BMP6: variants seen among roughly 807,000 people sequenced by gnomAD.
The protein encoded by BMP6 is bone morphogenetic protein 6, also known as VG-1-R.
Under a neutral mutation model 54.1 loss-of-function variants are expected in BMP6, and 17 were observed. The ratio of observed to expected loss-of-function variants is 0.31; its 90% confidence interval spans 0.22 to 0.47. BMP6 has a LOEUF of 0.47. BMP6 is among the 20% of genes least tolerant of loss of function. The probability of loss-of-function intolerance (pLI) is 1.00; values close to 1 mark genes in which losing one functional copy is unlikely to be tolerated. For synonymous variants in BMP6, 328 were observed against 291.2 expected, an observed-to-expected ratio of 1.13 and a Z score of -1.28; for missense variants, 720 against 690.4, an observed-to-expected ratio of 1.04 and a Z score of -0.48.
At chr6:7,801,760 G>A (rs1299295327) in intron 1 of BMP6, among the ~76,000 whole-genome samples, 2 of 152,210 alleles carry the variant, frequency 1.3e-5, no homozygotes, top group African/African-American at 2.4e-5. Flanking sequence ...CTCTTTGCAA[G>A]GTTTATGGAG....
intron 2 of BMP6, among the ~76,000 whole-genome samples, chr6:7,847,391 C>A (rs145546162): frequency 1.3e-5 from 2 of 152,228 alleles, no homozygotes; most frequent in African/African-American, 4.8e-5. Context: ...GGCCTCCTGC[C>A]GCCTCCTAGC....
At position 7,817,661 on chromosome 6, in the gene BMP6, C is replaced by T. The variant is rs373377986; in HGVS notation, c.665-27479C>T. Among the ~76,000 whole-genome samples the T allele has an allele frequency of 2.6e-5, 4 of 151,676 alleles. No individual in the cohort carries two copies. In the East Asian group the frequency reaches 5.8e-4, roughly 22 times the overall value. On this transcript the variant is annotated intron_variant, in intron 1 of 6. Coordinates refer to ENST00000283147, the MANE Select transcript of BMP6 (RefSeq NM_001718.6). ...ATGGGTGCAGCACACCAACATGGCACATGTATACATATGTAACAAACCTGC... is the reference window on the plus strand; with the variant it reads ...ATGGGTGCAGCACACCAACATGGCATATGTATACATATGTAACAAACCTGC...
chr6:7,727,499 C>G lies in BMP6; in HGVS notation c.544C>G (p.Leu182Val). Residue 182 changes from leucine (L) to valine (V), a missense_variant, in exon 1 of 7, where the codon CTC becomes GTC. This residue lies in a region of BMP6 where 650 missense variants were observed against 556.3 expected (regional missense o/e 1.17). Transcript: ENST00000283147. Reference protein sequence around the residue: ...RQPPPGAAHPLNRKSLLAPGS... With the variant: ...RQPPPGAAHPVNRKSLLAPGS... ...GCCGCCCCCGGGCGCCGCGCACCCG[C>G]TCAACCGCAAGAGCCTTCTGGCCCC... 1 of 1,596,258 alleles carries G rather than the reference C, an allele frequency of 6.3e-7. No homozygotes were observed. The highest frequency in any genetic ancestry group is 8.5e-7 in the Non-Finnish European group (1 of 1,177,048).
intron 2 of BMP6, among the ~76,000 whole-genome samples, chr6:7,858,275 G>A (rs1166259971): frequency 6.6e-6 from 1 of 152,000 alleles, no homozygotes; most frequent in African/African-American, 2.4e-5. Flanking sequence ...TGTAGAGGTA[G>A]GGTTTCGCCA....
intron 1 of BMP6, among the ~76,000 whole-genome samples, chr6:7,735,571 A>T (rs1024957463): frequency 5.9e-5 from 9 of 152,192 alleles, no homozygotes; most frequent in Non-Finnish European, 1.0e-4. Context: ...GAAGCTGTAC[A>T]TTTTTTAGAA....
At chr6:7,830,054 A>G (rs1561785074) in intron 1 of BMP6, among the ~76,000 whole-genome samples, 1 of 152,190 alleles carries the variant, frequency 6.6e-6, no homozygotes, top group Non-Finnish European at 1.5e-5. Flanking sequence ...TTCTCTTCAT[A>G]TCAGACTCCT....
intron 4 of BMP6, among the ~76,000 whole-genome samples, chr6:7,877,496 G>A (rs775864855): frequency 2.0e-5 from 3 of 152,074 alleles, no homozygotes; most frequent in Admixed American, 6.5e-5. Context: ...GGTGGCTCGC[G>A]CCTGTAGTCC....
At chr6:7,773,846 C>G (rs139871110) in intron 1 of BMP6, among the ~76,000 whole-genome samples, 408 of 152,276 alleles carry the variant, frequency 2.7e-3, no homozygotes, top group Non-Finnish European at 3.7e-3. Context: ...GGGACAGGTT[C>G]TCTTCCTCAT....
At chr6:7,850,911 C>G (rs148276354) in intron 2 of BMP6, among the ~76,000 whole-genome samples, 83 of 152,294 alleles carry the variant, frequency 5.4e-4, no homozygotes, top group Middle Eastern at 3.4e-3. Context: ...GCTTTAGTGG[C>G]AACTTTCTCA....
chr6:7,727,525 C>G lies in BMP6; in HGVS notation c.570C>G (p.Pro190=). The stretch of plus-strand genomic sequence containing the variant: ...TCAACCGCAAGAGCCTTCTGGCCCC[C>G]GGATCTGGCAGCGGCGGCGCGTCCC... ...HPLNRKSLLA[P]GSGSGGASPL... is the part of the protein sequence containing the mutation. Residue 190 remains proline, a synonymous_variant, in exon 1 of 7, where the codon CCC becomes CCG. Transcript: ENST00000283147. 2 of 1,595,664 alleles carry G rather than the reference C, an allele frequency of 1.3e-6. No individual in the cohort carries two copies. The highest frequency in any genetic ancestry group is 1.7e-6 in the Non-Finnish European group (2 of 1,177,656).
intron 1 of BMP6, among the ~76,000 whole-genome samples, chr6:7,768,260 G>GCTT (rs1333257980): frequency 1.3e-5 from 2 of 152,104 alleles, no homozygotes; most frequent in African/African-American, 2.4e-5. Context: ...GGAGGACCTG[G>GCTT]TCCAGCTCCT....
rs145889374 is a variant in BMP6 at position 7,880,237 on chromosome 6, C to T, written c.1436C>T (p.Ala479Val). Residue 479 changes from alanine to valine, a missense_variant, in exon 7 of 7, where the codon GCG (alanine) becomes GTG (valine). By Grantham distance (64) the Ala-to-Val change is moderately conservative. Transcript: ENST00000283147. The stretch of plus-strand genomic sequence containing the variant: ...GAGTATGTCCCCAAACCGTGCTGTG[C>T]GCCAACTAAGCTAAATGCCATCTCG... ...NPEYVPKPCC[A>V]PTKLNAISVL... 1.6e-4 allele frequency: 257 copies of T among 1,614,112 alleles called. No individual in the cohort carries two copies. The highest frequency in any genetic ancestry group is 1.8e-4 in the Non-Finnish European group (209 of 1,180,026).
At chr6:7,806,455 A>G (rs1480984871) in intron 1 of BMP6, among the ~76,000 whole-genome samples, 2 of 152,172 alleles carry the variant, frequency 1.3e-5, no homozygotes, top group African/African-American at 4.8e-5. Flanking sequence ...AAATTGCTAA[A>G]CTTTTTCTTC....
intron 1 of BMP6, among the ~76,000 whole-genome samples, chr6:7,755,533 T>C (rs757592638): frequency 1.3e-5 from 2 of 152,222 alleles, no homozygotes; most frequent in Non-Finnish European, 2.9e-5. Context: ...AAGCCCATAA[T>C]ACCCTGTTAG....
At chr6:7,752,479 T>G (rs571408500) in intron 1 of BMP6, among the ~76,000 whole-genome samples, 1 of 152,092 alleles carries the variant, frequency 6.6e-6, no homozygotes, top group Non-Finnish European at 1.5e-5. Context: ...GTTTTTAAAG[T>G]CCTAGTAGAA....
chr6:7,852,104 A>C (rs6597287), intron 2 of BMP6, among the ~76,000 whole-genome samples: 1 of 152,200 alleles, frequency 6.6e-6, no homozygotes, highest in Non-Finnish European at 1.5e-5. Context: ...TTAAGAAAAA[A>C]GTTCTAGATA....
At chr6:7,836,477 G>T (rs943472486) in intron 1 of BMP6, among the ~76,000 whole-genome samples, 2 of 152,102 alleles carry the variant, frequency 1.3e-5, no homozygotes, top group Non-Finnish European at 2.9e-5. Context: ...AATCAGAGTG[G>T]GTGTGGTCTA....
intron 1 of BMP6, among the ~76,000 whole-genome samples, chr6:7,788,684 C>G (rs1195051899): frequency 6.6e-6 from 1 of 152,114 alleles, no homozygotes; most frequent in African/African-American, 2.4e-5. Flanking sequence ...AAAACCAGTC[C>G]TTAGGATGAA....
At chr6:7,790,747 C>T (rs1040822624) in intron 1 of BMP6, among the ~76,000 whole-genome samples, 1 of 152,022 alleles carries the variant, frequency 6.6e-6, no homozygotes, top group Non-Finnish European at 1.5e-5. Flanking sequence ...AACAGAATAC[C>T]ACACAACTAC....
Sources: gnomAD v4.1 joint callset for allele counts (sites outside exome capture counted in the v4.1 genomes callset) on GRCh38, gnomAD v4.1.1 for gene constraint, gnomAD v4.1.1 regional missense constraint, MANE v1.5 for transcripts, NCBI Gene and HGNC (gene_info 2026-07-23, HGNC 2026-07-21) for gene names.